The following TOR4A variants were observed in gnomAD, a reference collection of about 807,000 sequenced individuals.
TOR4A encodes the protein torsin family 4 member A, also known as torsin-4A.
A neutral mutation model predicts 11.5 loss-of-function variants in TOR4A; 12 were observed. The ratio of observed to expected loss-of-function variants is 1.04; its 90% CI spans 0.67 to 1.69. TOR4A has a LOEUF of 1.69. Ranked by LOEUF, TOR4A falls within the 40% of genes most tolerant of loss-of-function variation. The pLI, the probability that TOR4A is intolerant of heterozygous loss-of-function variation, is 0.00. For synonymous variants in TOR4A, 362 were observed against 307.4 expected (o/e 1.18, Z -1.86); for missense variants, 640 against 643.2 (o/e 0.99, Z 0.05).
Position 137,279,039 on chromosome 9 carries a change from G to A in TOR4A, c.350G>A (p.Ser117Asn), listed in dbSNP as rs769022745. 1.8e-5 allele frequency: 29 copies of A among 1,604,066 alleles called. No individual in the cohort carries two copies. Among genetic ancestry groups the A allele is most frequent in the Admixed American group, 1.0e-4 (6 of 58,996 alleles). ...TATCGGCCGCGCGTGGAGCACAGGA[G>A]CCGCGCGCAGCGCTGCCTTCTGCTG... ...RKYRPRVEHR[S>N]RAQRCLLLLV... Residue 117 changes from serine to asparagine, a missense_variant, in exon 2 of 2, where the codon AGC (serine) becomes AAC (asparagine). Ser to Asn is a conservative substitution (Grantham distance 46). Transcript: ENST00000357503.
rs190216186 is a variant in TOR4A at position 137,278,151 on chromosome 9, A to G, written c.-38+244A>G. Among the ~76,000 whole-genome samples, 386 of 152,222 alleles carry G rather than the reference A, an allele frequency of 2.5e-3. 3 individuals are homozygous for G. The highest frequency in any genetic ancestry group is 9.0e-3 in the African/African-American group (374 of 41,536). Reference sequence around the variant, plus strand: ...GCCTATTCTCAAAATCATAAGTTCCAGCCAGACCCCCGCCAAGTGTTCTGG... The same window carrying G: ...GCCTATTCTCAAAATCATAAGTTCCGGCCAGACCCCCGCCAAGTGTTCTGG... On this transcript the variant is annotated intron_variant, in intron 1 of 1. Coordinates refer to ENST00000357503, the MANE Select transcript of TOR4A (RefSeq NM_017723.3).
chr9:137,278,490 G>A (rs948484789), intron 1 of TOR4A, among the ~76,000 whole-genome samples, 163 bp from the exon 2 acceptor site: 1 of 152,096 alleles, frequency 6.6e-6, no homozygotes, highest in African/African-American at 2.4e-5. Context: ...TCGCTTGCCG[G>A]TCTGAGGGGC....
chr9:137,278,840 C>T lies in TOR4A; in HGVS notation c.151C>T (p.Pro51Ser), dbSNP rs1830677161. 1 of 1,499,706 alleles carries T rather than the reference C, an allele frequency of 6.7e-7. No individual in the cohort carries two copies. Among genetic ancestry groups the T allele is most frequent in the East Asian group, 2.5e-5 (1 of 39,664 alleles). The allele number at this position is 1,499,706 out of a possible 1,614,324, so 92.9% of individuals were successfully genotyped here. Residue 51 changes from proline to serine, a missense_variant, in exon 2 of 2, where the codon CCC becomes TCC. Transcript: ENST00000357503. Reference protein sequence around the residue: ...KRRLLQPGGGPDVGTGAPRPG... With the variant: ...KRRLLQPGGGSDVGTGAPRPG... ...GCGCCTCCTGCAGCCGGGTGGGGGG[C>T]CCGACGTCGGGACCGGGGCGCCCAG...
At position 137,279,598 on chromosome 9, in the gene TOR4A, T is replaced by C; in HGVS notation, c.909T>C (p.Gly303=). Residue 303 remains glycine, a synonymous_variant, in exon 2 of 2, where the codon GGT becomes GGC. Transcript: ENST00000357503. ...NAIYVLLSGA[G]GAEVTRFVLQ... is the part of the protein sequence containing the mutation. Reference sequence around the variant, plus strand: ...TCTACGTGCTCCTCAGTGGCGCGGGTGGCGCCGAGGTCACGCGCTTCGTGC... The same window carrying C: ...TCTACGTGCTCCTCAGTGGCGCGGGCGGCGCCGAGGTCACGCGCTTCGTGC... 6.4e-7 allele frequency: 1 copy of C among 1,568,620 alleles called. No homozygotes were observed. The highest frequency in any genetic ancestry group is 8.6e-7 in the Non-Finnish European group (1 of 1,161,132).
rs1322178753 is a variant in TOR4A, at chr9:137,282,208, T to TTTC, written c.*2249_*2250insCTT. On this transcript the variant is annotated 3_prime_UTR_variant, in exon 2 of 2. Transcript: ENST00000357503. ...TTTTATCTCTTTCTTTCTTTCTTTC[T>TTTC]TTTTTTTTTGACACAGAGTTTTGCT... is the stretch of plus-strand genomic sequence containing the variant. The TTTC allele has an allele frequency of 1.3e-5, 2 of 159,582 alleles. No individual in the cohort carries two copies. Among genetic ancestry groups the TTTC allele is most frequent in the Non-Finnish European group, 1.5e-5 (1 of 66,792 alleles). The allele number at this position is 159,582 out of a possible 1,614,324, so 9.9% of individuals were successfully genotyped here. A position where few individuals can be genotyped will look rare whatever the true frequency, so the allele number is the denominator to read the frequency against.
intron 1 of TOR4A, among the ~76,000 whole-genome samples, chr9:137,278,205 G>A (rs923580438): frequency 6.6e-6 from 1 of 151,846 alleles, no homozygotes; most frequent in African/African-American, 2.4e-5. Flanking sequence ...TGAACTCCTG[G>A]GCGCTCAGGC....
At position 137,282,178 on chromosome 9, in the gene TOR4A, G is replaced by A. The variant is rs1393030258; in HGVS notation, c.*2217G>A. The A allele has an allele frequency of 6.0e-6, 1 of 166,940 alleles. No homozygotes were observed. Among genetic ancestry groups the A allele is most frequent in the Non-Finnish European group, 1.5e-5 (1 of 68,150 alleles). The allele number at this position is 166,940 out of a possible 1,614,324, so 10.3% of individuals were successfully genotyped here. Reference sequence around the variant, plus strand: ...TGTATCAAAAGGTCCAGACCTAAGGGGAAATTTTATCTCTTTCTTTCTTTC... The same window carrying A: ...TGTATCAAAAGGTCCAGACCTAAGGAGAAATTTTATCTCTTTCTTTCTTTC... On this transcript the variant is annotated 3_prime_UTR_variant, in exon 2 of 2. Coordinates refer to ENST00000357503, the MANE Select transcript of TOR4A (RefSeq NM_017723.3).
rs752020536 is a variant in TOR4A at position 137,279,846 on chromosome 9, C to T, written c.1157C>T (p.Pro386Leu). 3 of 1,594,496 alleles carry T rather than the reference C, an allele frequency of 1.9e-6. No individual in the cohort carries two copies. Among genetic ancestry groups the T allele is most frequent in the Non-Finnish European group, 2.6e-6 (3 of 1,174,352 alleles). Residue 386 changes from proline (P) to leucine (L), a missense_variant, in exon 2 of 2, where the codon CCT becomes CTT. Physicochemically the swap from Pro to Leu is moderately conservative, Grantham distance 98 (BLOSUM62 -3). Coordinates refer to ENST00000357503, the MANE Select transcript of TOR4A (RefSeq NM_017723.3). ...GAGATGGCGGGTGAGGGCTTCTTTC[C>T]TGACCAGGCCCGCGCGGAGAACCTG... Reference protein sequence around the residue: ...RDEMAGEGFFPDQARAENLAA... With the variant: ...RDEMAGEGFFLDQARAENLAA...
chr9:137,279,000 A>C lies in TOR4A; in HGVS notation c.311A>C (p.Glu104Ala), dbSNP rs1830679343. 1.2e-6 allele frequency: 2 copies of C among 1,606,962 alleles called. No individual in the cohort carries two copies. The highest frequency in any genetic ancestry group is 1.7e-6 in the Non-Finnish European group (2 of 1,177,604). The change falls in exon 2 of 2, where the codon GAG (glutamate) becomes GCG (alanine). Residue 104 changes from glutamate (E) to alanine (A), a missense_variant. Physicochemically the swap from Glu to Ala is moderately radical, Grantham distance 107. Transcript: ENST00000357503. ...RRRSRLVLYP[E>A]TSRKYRPRVE... ...CGCAGCCGCCTGGTGCTTTACCCGGAGACCTCGCGCAAGTATCGGCCGCGC... is the reference window on the plus strand; with the variant it reads ...CGCAGCCGCCTGGTGCTTTACCCGGCGACCTCGCGCAAGTATCGGCCGCGC...
At position 137,280,378 on chromosome 9, in the gene TOR4A, T is replaced by A. The variant is rs1475798262; in HGVS notation, c.*417T>A. 1.5e-5 allele frequency: 3 copies of A among 200,324 alleles called. No homozygotes were observed. Among genetic ancestry groups the A allele is most frequent in the Non-Finnish European group, 3.3e-5 (3 of 89,640 alleles). 12.4% of individuals were successfully genotyped at this position (200,324 alleles called of 1,614,324 possible). A position where few individuals can be genotyped will look rare whatever the true frequency, so the allele number is the denominator to read the frequency against. The stretch of plus-strand genomic sequence containing the variant: ...AGTGGGGTTCTCATTCCGGCCCCCC[T>A]GGAGATGACCCCGGAGGAGGCCACA... On this transcript the variant is annotated 3_prime_UTR_variant, in exon 2 of 2. Transcript: ENST00000357503.
In TOR4A at chr9:137,279,638, C is replaced by G. The variant is rs967762955; in HGVS notation, c.949C>G (p.Arg317Gly). The change falls in exon 2 of 2, where the codon CGC (arginine) becomes GGC (glycine). Residue 317 changes from arginine (R) to glycine (G), a missense_variant. Transcript: ENST00000357503. ...GCGCTTCGTGCTGCAGAACGCGTCC[C>G]GCGCGCTGCCCCTGCGCCCCGACGG... ...VTRFVLQNAS[R>G]ALPLRPDGFR... 5.8e-6 allele frequency: 9 copies of G among 1,559,966 alleles called. No individual in the cohort carries two copies. Among genetic ancestry groups the G allele is most frequent in the Non-Finnish European group, 7.8e-6 (9 of 1,158,072 alleles).
At position 137,279,277 on chromosome 9, in the gene TOR4A, T is replaced by A. The variant is rs1328532400; in HGVS notation, c.588T>A (p.Ser196Arg). 5 of 1,535,010 alleles carry A rather than the reference T, an allele frequency of 3.3e-6. No homozygotes were observed. Among genetic ancestry groups the A allele is most frequent in the African/African-American group, 1.4e-5 (1 of 72,918 alleles). The change falls in exon 2 of 2, where the codon AGT (serine) becomes AGA (arginine). Residue 196 changes from serine to arginine, a missense_variant. Coordinates refer to ENST00000357503, the MANE Select transcript of TOR4A (RefSeq NM_017723.3). ...RPLLLALHGPSGVGKSHVGRL... is the reference protein window; with the variant it reads ...RPLLLALHGPRGVGKSHVGRL... Reference sequence around the variant, plus strand: ...TCCTCCTGGCGCTGCACGGGCCCAGTGGCGTGGGCAAGAGCCACGTGGGCC... The same window carrying A: ...TCCTCCTGGCGCTGCACGGGCCCAGAGGCGTGGGCAAGAGCCACGTGGGCC...
rs1830690214 is a variant in TOR4A, at chr9:137,279,578, G to A, written c.889G>A (p.Val297Met). 2 of 1,576,448 alleles carry A rather than the reference G, an allele frequency of 1.3e-6. No individual in the cohort carries two copies. The highest frequency in any genetic ancestry group is 1.4e-5 in the African/African-American group (1 of 73,946). Residue 297 changes from valine to methionine, a missense_variant, in exon 2 of 2, where the codon GTG becomes ATG. Physicochemically the swap from Val to Met is conservative, Grantham distance 21. Transcript: ENST00000357503. ...CCACCACTTCCACAACGCCATCTAC[G>A]TGCTCCTCAGTGGCGCGGGTGGCGC... Reference protein sequence around the residue: ...RSHHFHNAIYVLLSGAGGAEV... With the variant: ...RSHHFHNAIYMLLSGAGGAEV...
At position 137,279,247 on chromosome 9, in the gene TOR4A, T is replaced by G. The variant is rs916326610; in HGVS notation, c.558T>G (p.Arg186=). 1 of 1,536,216 alleles carries G rather than the reference T, an allele frequency of 6.5e-7. No individual in the cohort carries two copies. Among genetic ancestry groups the G allele is most frequent in the South Asian group, 1.2e-5 (1 of 83,952 alleles). ...ACCTGGCCACGCATGTGCACAGTCG[T>G]CCGCTCCTCCTGGCGCTGCACGGGC... is the stretch of plus-strand genomic sequence containing the variant. ...RDYLATHVHS[R]PLLLALHGPS... Residue 186 remains arginine, a synonymous_variant, in exon 2 of 2, where the codon CGT becomes CGG. Coordinates refer to ENST00000357503, the MANE Select transcript of TOR4A (RefSeq NM_017723.3).
intron 1 of TOR4A, among the ~76,000 whole-genome samples, chr9:137,278,283 T>C (rs1830668046): frequency 6.6e-6 from 1 of 151,900 alleles, no homozygotes; most frequent in Non-Finnish European, 1.5e-5. Flanking sequence ...GGGGGCAGGG[T>C]CCGGGGGTGA....
At position 137,279,667 on chromosome 9, in the gene TOR4A, C is replaced by T. The variant is rs1830691823; in HGVS notation, c.978C>T (p.Phe326=). ...CGCTGCCCCTGCGCCCCGACGGCTTCCGCAGTGCCGAGGCCGCAGCGGCGC... is the reference window on the plus strand; with the variant it reads ...CGCTGCCCCTGCGCCCCGACGGCTTTCGCAGTGCCGAGGCCGCAGCGGCGC... ...SRALPLRPDG[F]RSAEAAAAQA... is the part of the protein sequence containing the mutation. The change falls in exon 2 of 2, where the codon TTC becomes TTT. Residue 326 remains phenylalanine (F), a synonymous_variant. Transcript: ENST00000357503. The T allele has an allele frequency of 1.3e-6, 2 of 1,566,722 alleles. No homozygotes were observed. Among genetic ancestry groups the T allele is most frequent in the Non-Finnish European group, 1.7e-6 (2 of 1,161,704 alleles).
At position 137,280,180 on chromosome 9, in the gene TOR4A, C is replaced by G. The variant is rs1181332742; in HGVS notation, c.*219C>G. On this transcript the variant is annotated 3_prime_UTR_variant, in exon 2 of 2. Transcript: ENST00000357503. ...GGACAGCAGCCACCTCCCTCCCAAA[C>G]TTGCCCATTGCCCTGCTGGGCGTCC... 1.9e-5 allele frequency: 12 copies of G among 617,508 alleles called. No individual in the cohort carries two copies. The highest frequency in any genetic ancestry group is 3.2e-5 in the Non-Finnish European group (11 of 346,536). 38.3% of individuals were successfully genotyped at this position (617,508 alleles called of 1,614,324 possible).
chr9:137,281,566 T>C lies in TOR4A; in HGVS notation c.*1605T>C, dbSNP rs947051271. 1 of 159,876 alleles carries C rather than the reference T, an allele frequency of 6.3e-6. No individual in the cohort carries two copies. The highest frequency in any genetic ancestry group is 1.9e-4 in the East Asian group (1 of 5,176). 9.9% of individuals were successfully genotyped at this position (159,876 alleles called of 1,614,324 possible). A position where few individuals can be genotyped will look rare whatever the true frequency, so the allele number is the denominator to read the frequency against. ...AGGCCGCTTGAAAGTCTGGGATCTC[T>C]GGGCGGATGGCAGCGGCTCCGCGGA... On this transcript the variant is annotated 3_prime_UTR_variant, in exon 2 of 2. Transcript: ENST00000357503.
chr9:137,280,029 T>C lies in TOR4A; in HGVS notation c.*68T>C. ...GAGGGCGACCAGGGACCTTGTGGGC[T>C]GGTGCAGGCCCCTGAGGTTTCTAGT... On this transcript the variant is annotated 3_prime_UTR_variant, in exon 2 of 2. Coordinates refer to ENST00000357503, the MANE Select transcript of TOR4A (RefSeq NM_017723.3). The C allele has an allele frequency of 6.8e-7, 1 of 1,470,108 alleles. No homozygotes were observed. 91.1% of individuals were successfully genotyped at this position (1,470,108 alleles called of 1,614,324 possible).
Sources: gnomAD v4.1 joint callset for allele counts (sites outside exome capture counted in the v4.1 genomes callset) on GRCh38, gnomAD v4.1.1 for gene constraint, MANE v1.5 for transcripts, NCBI Gene and HGNC (gene_info 2026-07-23, HGNC 2026-07-21) for gene names.